DHRS9: variants seen among roughly 807,000 people sequenced by gnomAD.
The protein encoded by DHRS9 is dehydrogenase/reductase 9, also known as dehydrogenase/reductase SDR family member 9.
DHRS9 carries 18 observed loss-of-function variants against 26.6 expected under a neutral mutation model. The ratio of observed to expected loss-of-function variants is 0.68; its 90% CI spans 0.47 to 1.00. The LOEUF is 1.00. Ranked by LOEUF, DHRS9 falls within the 50% of genes least tolerant of loss-of-function variation. The pLI is 0.00. For synonymous variants in DHRS9, 134 were observed against 141.1 expected (o/e 0.95, Z 0.36); for missense variants, 425 against 378.7 (o/e 1.12, Z -1.01).
chr2:169,073,034 G>T lies in DHRS9; in HGVS notation c.-60+3317G>T, dbSNP rs929848394. Among the ~76,000 whole-genome samples the T allele has an allele frequency of 6.6e-5, 10 of 152,296 alleles. No homozygotes were observed. In the East Asian group the frequency reaches 1.7e-3, roughly 26 times the overall value. ...ATTGCTATCATCCTTTTGCCCCAGC[G>T]ATTCAGAGGTCTCAAAGATTAATCC... is the stretch of plus-strand genomic sequence containing the variant. On this transcript the variant is annotated intron_variant, in intron 1 of 4. Coordinates refer to ENST00000674881, the MANE Select transcript of DHRS9 (RefSeq NM_001376924.1).
chr2:169,070,517 C>T (rs1323359147), intron 1 of DHRS9: 1 of 985,298 alleles, frequency 1.0e-6, no homozygotes, highest in Non-Finnish European at 1.2e-6. Flanking sequence ...ACTATTTATC[C>T]TAGTATCCCT....
At position 169,095,872 on chromosome 2, in the gene DHRS9, T is replaced by A; in HGVS notation, c.*105T>A. The A allele has an allele frequency of 9.7e-7, 1 of 1,026,436 alleles. No individual in the cohort carries two copies. The highest frequency in any genetic ancestry group is 1.5e-6 in the Non-Finnish European group (1 of 688,362). The allele number at this position is 1,026,436 out of a possible 1,614,324, so 63.6% of individuals were successfully genotyped here. ...TTATCTGCTCCAACCTGGACTCATT[T>A]AGATCGTGCTTATTTGGATTGCAAA... is the stretch of plus-strand genomic sequence containing the variant. On this transcript the variant is annotated 3_prime_UTR_variant, in exon 5 of 5. Coordinates refer to ENST00000674881, the MANE Select transcript of DHRS9 (RefSeq NM_001376924.1).
intron 1 of DHRS9, among the ~76,000 whole-genome samples, chr2:169,078,815 C>CTTTTTTTTTTTTTTTT (rs200691133): frequency 1.7e-4 from 19 of 110,364 alleles, no homozygotes; most frequent in African/African-American, 3.8e-4. Context: ...TATCAACTGA[C>CTTTTTTTTTTTTTTTT]TTTTTTTTTT....
chr2:169,095,960 G>A lies in DHRS9; in HGVS notation c.*193G>A. 1 of 605,470 alleles carries A rather than the reference G, an allele frequency of 1.7e-6. No homozygotes were observed. The highest frequency in any genetic ancestry group is 2.0e-5 in the South Asian group (1 of 49,860). The allele number at this position is 605,470 out of a possible 1,614,324, so 37.5% of individuals were successfully genotyped here. ...CTGCTCAAGTTTTCTTTGAAAAGGA[G>A]GGCTGGAATGGTACATCACATAGGC... On this transcript the variant is annotated 3_prime_UTR_variant, in exon 5 of 5. Coordinates refer to ENST00000674881, the MANE Select transcript of DHRS9 (RefSeq NM_001376924.1).
rs113646487 is a variant in DHRS9, at chr2:169,083,148, A to G, written c.314-181A>G. On this transcript the variant is annotated intron_variant, in intron 2 of 4. Transcript: ENST00000674881. ...TAGAGTAACAGCGAGAACTTGAACT[A>G]TTTCAGTTTAGCCTCCCACCCTCTC... is the stretch of plus-strand genomic sequence containing the variant. Among the ~76,000 whole-genome samples, 493 of 152,324 alleles carry G rather than the reference A, an allele frequency of 3.2e-3. 1 individual carries two copies. Among genetic ancestry groups the G allele is most frequent in the African/African-American group, 0.011 (454 of 41,562 alleles).
chr2:169,069,989 C>A, intron 1 of DHRS9: 2 of 758,722 alleles, frequency 2.6e-6, no homozygotes, highest in Non-Finnish European at 3.2e-6. Flanking sequence ...CAATTCAATT[C>A]ATATTTTATT....
At chr2:169,067,700 A>T (rs1683684915), upstream of DHRS9, among the ~76,000 whole-genome samples, 1 of 152,114 alleles carries the variant, frequency 6.6e-6, no homozygotes, top group Non-Finnish European at 1.5e-5. Context: ...AGCACTTTCA[A>T]AGGTTGTATA....
At position 169,095,550 on chromosome 2, in the gene DHRS9, A is replaced by T; in HGVS notation, c.743A>T (p.Asp248Val). ...TACTTTTGTCTCTTTTTAGGTCTAGACAAACTGAAAGGCAATAAATCCTAT... is the reference window on the plus strand; with the variant it reads ...TACTTTTGTCTCTTTTTAGGTCTAGTCAAACTGAAAGGCAATAAATCCTAT... ...YGEGYIEKSL[D>V]KLKGNKSYVN... Residue 248 changes from aspartate (D) to valine (V), a missense_variant, in exon 5 of 5, where the codon GAC becomes GTC. Coordinates refer to ENST00000674881, the MANE Select transcript of DHRS9 (RefSeq NM_001376924.1). 6.2e-7 allele frequency: 1 copy of T among 1,613,578 alleles called. No individual in the cohort carries two copies. The highest frequency in any genetic ancestry group is 1.3e-5 in the African/African-American group (1 of 74,952).
intron 1 of DHRS9, chr2:169,081,259 G>A (rs76168410): frequency 9.4e-5 from 80 of 854,178 alleles, no homozygotes; most frequent in Non-Finnish European, 1.2e-4. Flanking sequence ...TCAATGGCTT[G>A]TGTCAATTTT....
chr2:169,090,445 CT>C (rs1319356103), intron 3 of DHRS9, among the ~76,000 whole-genome samples: 7 of 152,100 alleles, frequency 4.6e-5, no homozygotes, highest in Non-Finnish European at 7.4e-5. Context: ...GGGAAATAAT[CT>C]TTTTTAATTT....
At chr2:169,077,164 T>A (rs1683987750) in intron 1 of DHRS9, among the ~76,000 whole-genome samples, 1 of 152,214 alleles carries the variant, frequency 6.6e-6, no homozygotes, top group Non-Finnish European at 1.5e-5. Flanking sequence ...AATAGGGTTG[T>A]CTGTTTTCTA....
At chr2:169,090,941 G>T (rs1371814404) in intron 3 of DHRS9, among the ~76,000 whole-genome samples, 2 of 152,202 alleles carry the variant, frequency 1.3e-5, no homozygotes, top group African/African-American at 4.8e-5. Flanking sequence ...CTGCTATGCT[G>T]CAGGGCACTG....
intron 3 of DHRS9, among the ~76,000 whole-genome samples, chr2:169,089,080 G>A (rs1358455320): frequency 1.3e-5 from 2 of 152,144 alleles, no homozygotes; most frequent in African/African-American, 4.8e-5. Flanking sequence ...GGCAGGAAAT[G>A]GTGGCACATT....
At chr2:169,071,281 G>T (rs1386085872) in intron 1 of DHRS9, among the ~76,000 whole-genome samples, 1 of 152,106 alleles carries the variant, frequency 6.6e-6, no homozygotes, top group African/African-American at 2.4e-5. Flanking sequence ...CATAAATAAA[G>T]TAATCATAGC....
chr2:169,074,375 G>T (rs745436050), intron 1 of DHRS9: 3 of 985,370 alleles, frequency 3.0e-6, no homozygotes, highest in South Asian at 4.7e-5. Flanking sequence ...CTGCTCTACT[G>T]CCTCGAGCCA....
intron 2 of DHRS9, 109 bp downstream of exon 2, chr2:169,082,003 C>T: frequency 1.8e-6 from 2 of 1,115,196 alleles, no homozygotes; most frequent in Non-Finnish European, 2.5e-6. Flanking sequence ...GAAAATGTTT[C>T]CTAAATACCG....
chr2:169,083,387 G>C lies in DHRS9; in HGVS notation c.372G>C (p.Trp124Cys), dbSNP rs555386583. ...GVPGVLAPTD[W>C]LTLEDYREPI... The stretch of plus-strand genomic sequence containing the variant: ...CCGGCGTGCTGGCTCCCACTGACTG[G>C]CTGACACTAGAGGACTACAGAGAAC... Residue 124 changes from tryptophan to cysteine, a missense_variant, in exon 3 of 5, where the codon TGG becomes TGC. Coordinates refer to ENST00000674881, the MANE Select transcript of DHRS9 (RefSeq NM_001376924.1). 34 of 1,614,086 alleles carry C rather than the reference G, an allele frequency of 2.1e-5. No homozygotes were observed. The East Asian group carries it at 6.7e-4, about 32-fold the overall frequency.
At position 169,095,625 on chromosome 2, in the gene DHRS9, C is replaced by A. The variant is rs555528579; in HGVS notation, c.818C>A (p.Thr273Lys). 1.9e-6 allele frequency: 3 copies of A among 1,613,842 alleles called. No homozygotes were observed. In the Admixed American group the frequency reaches 5.0e-5, roughly 27 times the overall value. Reference sequence around the variant, plus strand: ...GTAGAGTGCATGGACCACGCTCTAACAAGTCTCTTCCCTAAGACTCATTAT... The same window carrying A: ...GTAGAGTGCATGGACCACGCTCTAAAAAGTCTCTTCCCTAAGACTCATTAT... ...PVVECMDHAL[T>K]SLFPKTHYAA... The change falls in exon 5 of 5, where the codon ACA becomes AAA. Residue 273 changes from threonine to lysine, a missense_variant. Thr to Lys is a moderately conservative substitution (Grantham distance 78, BLOSUM62 -1). Coordinates refer to ENST00000674881, the MANE Select transcript of DHRS9 (RefSeq NM_001376924.1).
Position 169,091,945 on chromosome 2 carries a change from T to C in DHRS9, c.728T>C (p.Ile243Thr), listed in dbSNP as rs766733211. The part of the protein sequence containing the change: ...DIKQQYGEGY[I>T]EKSLDKLKGN... The stretch of plus-strand genomic sequence containing the variant: ...AAACAACAATATGGAGAAGGTTACA[T>C]TGAAAAAAGTGAGTTTCCGGGCGGT... Residue 243 changes from isoleucine (I) to threonine (T), a missense_variant, in exon 4 of 5, where the codon ATT (isoleucine) becomes ACT (threonine). Ile to Thr is a moderately conservative substitution (Grantham distance 89, BLOSUM62 -1). Coordinates refer to ENST00000674881, the MANE Select transcript of DHRS9 (RefSeq NM_001376924.1). 13 of 1,613,380 alleles carry C rather than the reference T, an allele frequency of 8.1e-6. No individual in the cohort carries two copies. The highest frequency in any genetic ancestry group is 2.7e-5 in the African/African-American group (2 of 74,836).
Sources: allele counts gnomAD v4.1 joint callset (sites outside exome capture counted in the v4.1 genomes callset), GRCh38; gene constraint gnomAD v4.1.1; transcripts MANE v1.5; gene names NCBI Gene and HGNC (gene_info 2026-07-23, HGNC 2026-07-21).